Variants in ZNF423 observed in about 807,000 individuals in gnomAD.
ZNF423 encodes zinc finger protein 423.
ZNF423 carries 12 observed loss-of-function variants against 95.8 expected under a neutral mutation model. That is an observed-to-expected ratio of 0.13 (90% CI 0.08 to 0.20). ZNF423 has a LOEUF of 0.20. ZNF423 is among the 10% of genes least tolerant of loss of function. ZNF423 has a pLI of 1.00. For missense variants in ZNF423, 1,316 were observed against 1,737.1 expected, an observed-to-expected ratio of 0.76 and a Z score of 4.31; for synonymous variants, 749 against 711.9, an observed-to-expected ratio of 1.05 and a Z score of -0.83.
Position 49,822,722 on chromosome 16 carries a change from T to C in ZNF423, c.40+33013A>G, listed in dbSNP as rs1272948659. 6.8e-6 allele frequency: 11 copies of C among 1,607,986 alleles called. No individual in the cohort carries two copies. In the East Asian group the frequency reaches 2.5e-4, roughly 36 times the overall value. The stretch of plus-strand genomic sequence containing the variant: ...TTCTTTTACAGGGTAAAATCCATCC[T>C]TCTCCAGGAAGTTTTCCTGGGGGAA... On this transcript the variant is annotated intron_variant, in intron 1 of 7. Transcript: ENST00000563137.
chr16:49,714,482 C>A (rs192550898), intron 3 of ZNF423, among the ~76,000 whole-genome samples: 2 of 152,148 alleles, frequency 1.3e-5, no homozygotes, highest in East Asian at 1.9e-4. Context: ...CATGGCAAAA[C>A]CCCATCTCTA....
At chr16:49,536,051 A>G (rs1368172452) in intron 5 of ZNF423, among the ~76,000 whole-genome samples, 1 of 152,194 alleles carries the variant, frequency 6.6e-6, no homozygotes, top group Non-Finnish European at 1.5e-5. Flanking sequence ...CACCAAGATC[A>G]TTTTTTAAAA....
rs777599902 is a variant in ZNF423, at chr16:49,707,511, GGAGGCT to G, written c.301+23254_301+23259del. On this transcript the variant is annotated intron_variant, in intron 3 of 7. Transcript: ENST00000563137. The stretch of plus-strand genomic sequence containing the variant: ...AGGCGCTTGTAATCCCAGCTACTCG[GGAGGCT>G]GAGGCAGGAGAATCATTTGAACCCA... Among the ~76,000 whole-genome samples the G allele has an allele frequency of 3.3e-5, 5 of 151,670 alleles. No individual in the cohort carries two copies. The East Asian group carries it at 7.7e-4, about 23-fold the overall frequency.
At chr16:49,736,878 G>A (rs956603806) in intron 2 of ZNF423, among the ~76,000 whole-genome samples, 3 of 152,208 alleles carry the variant, frequency 2.0e-5, no homozygotes, top group African/African-American at 7.2e-5. Context: ...ATGACGTTGA[G>A]AGCAGACAGC....
chr16:49,558,065 T>C (rs571929575), intron 5 of ZNF423, among the ~76,000 whole-genome samples: 1 of 151,762 alleles, frequency 6.6e-6, no homozygotes, highest in Non-Finnish European at 1.5e-5. Flanking sequence ...GTGCTGGAGG[T>C]TTCTGAAGCC....
Position 49,839,660 on chromosome 16 carries a change from G to A in ZNF423, c.40+16075C>T, listed in dbSNP as rs1377701123. Reference sequence around the variant, plus strand: ...AAACAGCCCCAAGGAACTGACTCGCGGCCCCAGGAAAGCCTCCAGAGAGAA... The same window carrying A: ...AAACAGCCCCAAGGAACTGACTCGCAGCCCCAGGAAAGCCTCCAGAGAGAA... On this transcript the variant is annotated intron_variant, in intron 1 of 7. Transcript: ENST00000563137. Among the ~76,000 whole-genome samples, 4 of 152,268 alleles carry A rather than the reference G, an allele frequency of 2.6e-5. No homozygotes were observed. In the South Asian group the frequency reaches 6.2e-4, roughly 24 times the overall value.
At chr16:49,618,736 C>T (rs1971962020) in intron 5 of ZNF423, among the ~76,000 whole-genome samples, 1 of 152,198 alleles carries the variant, frequency 6.6e-6, no homozygotes, top group Admixed American at 6.5e-5. Context: ...ATTGTCTTCT[C>T]TGCCAGTCCC....
rs1283891194 is a variant in ZNF423, at chr16:49,491,238, A to C, written c.*37T>G. 1.9e-6 allele frequency: 3 copies of C among 1,613,838 alleles called. No individual in the cohort carries two copies. In the Admixed American group the frequency reaches 5.0e-5, roughly 27 times the overall value. ...TGGCCCTCCCCACGGCGTCTCCGGC[A>C]AGCCTTCTGCGGAGAGGTGTCCTGT... On this transcript the variant is annotated 3_prime_UTR_variant, in exon 8 of 8. Coordinates refer to ENST00000563137, the MANE Select transcript of ZNF423 (RefSeq NM_001379286.1).
chr16:49,659,648 T>C (rs1049492965), intron 3 of ZNF423, among the ~76,000 whole-genome samples: 1 of 152,138 alleles, frequency 6.6e-6, no homozygotes. Flanking sequence ...GGGTGGACAG[T>C]GTAATGCAGG....
At chr16:49,547,335 A>C (rs560794226) in intron 5 of ZNF423, among the ~76,000 whole-genome samples, 26 of 152,296 alleles carry the variant, frequency 1.7e-4, no homozygotes, top group African/African-American at 6.3e-4. Flanking sequence ...TTCACCCAAC[A>C]CAAAGGGGCC....
At chr16:49,593,648 T>G (rs59567940) in intron 5 of ZNF423, among the ~76,000 whole-genome samples, 1,579 of 152,224 alleles carry the variant, frequency 0.01, 30 homozygotes, top group African/African-American at 0.036. Flanking sequence ...TCCGTGCCTT[T>G]GTTTCTCCAT....
Position 49,489,942 on chromosome 16 carries a change from GT to G in ZNF423, c.*1332del, listed in dbSNP as rs1215272973. The G allele has an allele frequency of 1.3e-5, 2 of 152,266 alleles. No homozygotes were observed. The highest frequency in any genetic ancestry group is 4.8e-5 in the African/African-American group (2 of 41,412). 9.4% of individuals were successfully genotyped at this position (152,266 alleles called of 1,614,324 possible). A position where few individuals can be genotyped will look rare whatever the true frequency, so the allele number is the denominator to read the frequency against. On this transcript the variant is annotated 3_prime_UTR_variant, in exon 8 of 8. Transcript: ENST00000563137. ...GTGAAATAAGCAAGGTGCCTAGAGT[GT>G]AAAATGCAAGAGGACACCCATTCCC...
intron 2 of ZNF423, among the ~76,000 whole-genome samples, chr16:49,780,900 C>T (rs1301467632): frequency 6.6e-6 from 1 of 152,206 alleles, no homozygotes; most frequent in Admixed American, 6.5e-5. Flanking sequence ...TTAAAATGTC[C>T]CTTGGTCCTC....
At chr16:49,854,979 G>C in intron 1 of ZNF423, 1 of 984,746 alleles carries the variant, frequency 1.0e-6, no homozygotes, top group Non-Finnish European at 1.2e-6. Context: ...CGCCCTCCGC[G>C]GAGGGGCGCG....
chr16:49,649,667 A>C (rs1805297), intron 3 of ZNF423, among the ~76,000 whole-genome samples: 4 of 57,348 alleles, frequency 7.0e-5, no homozygotes, highest in South Asian at 9.4e-4. Context: ...ACACACACAC[A>C]CAGGGAGAGA....
chr16:49,633,597 G>A (rs969709215), intron 4 of ZNF423, among the ~76,000 whole-genome samples: 5 of 152,162 alleles, frequency 3.3e-5, no homozygotes, highest in African/African-American at 1.2e-4. Flanking sequence ...AATTACCGCT[G>A]GGTCCTGGGA....
chr16:49,609,364 AAGTC>A (rs1176819860), intron 5 of ZNF423, among the ~76,000 whole-genome samples: 6 of 152,222 alleles, frequency 3.9e-5, no homozygotes, highest in Non-Finnish European at 7.3e-5. Context: ...AATGGCAAAA[AAGTC>A]AATCAATATA....
At chr16:49,765,476 C>G (rs1301818257) in intron 2 of ZNF423, among the ~76,000 whole-genome samples, 1 of 152,012 alleles carries the variant, frequency 6.6e-6, no homozygotes, top group African/African-American at 2.4e-5. Flanking sequence ...TTTGGGAGGC[C>G]AAGGCAGGAG....
intron 1 of ZNF423, among the ~76,000 whole-genome samples, chr16:49,811,005 A>G (rs866102791): frequency 2.0e-5 from 3 of 152,060 alleles, no homozygotes; most frequent in Admixed American, 6.6e-5. Context: ...AAGTGAAGGA[A>G]CTGATGCTGT....
Sources: allele counts gnomAD v4.1 joint callset (sites outside exome capture counted in the v4.1 genomes callset), GRCh38; gene constraint gnomAD v4.1.1; transcripts MANE v1.5; gene names NCBI Gene and HGNC (gene_info 2026-07-23, HGNC 2026-07-21).